SNPH: variants seen among roughly 807,000 people sequenced by gnomAD.
The protein encoded by SNPH is syntaphilin.
A neutral mutation model predicts 36.8 loss-of-function variants in SNPH; 10 were observed. That is an observed-to-expected ratio of 0.27 (90% CI 0.17 to 0.46). The LOEUF is 0.46. Ranked by LOEUF, SNPH falls within the 20% of genes least tolerant of loss-of-function variation. The pLI is 1.00. For missense variants in SNPH, 622 were observed against 744.0 expected (o/e 0.84, Z 1.91); for synonymous variants, 281 against 312.2 (o/e 0.90, Z 1.05).
chr20:1,267,451 C>G (rs531931741), intron 2 of SNPH, among the ~76,000 whole-genome samples: 2 of 152,108 alleles, frequency 1.3e-5, no homozygotes, highest in African/African-American at 4.8e-5. Context: ...CTGGTGGTGT[C>G]GGGATGGGCT....
At chr20:1,270,032 C>G (rs1207790609) in intron 2 of SNPH, among the ~76,000 whole-genome samples, 2 of 152,206 alleles carry the variant, frequency 1.3e-5, no homozygotes, top group African/African-American at 2.4e-5. Flanking sequence ...TGAGCCCTCT[C>G]AATAACTGAA....
chr20:1,300,822 C>T, intron 6 of SNPH, 111 bp downstream of exon 6: 2 of 1,078,582 alleles, frequency 1.9e-6, no homozygotes, highest in East Asian at 2.6e-5. Context: ...GGTCTCCCAG[C>T]ATCCGTCTGC....
chr20:1,308,162 CA>C lies in SNPH; in HGVS notation c.*2109del. The C allele has an allele frequency of 6.5e-6, 1 of 152,986 alleles. No homozygotes were observed. Among genetic ancestry groups the C allele is most frequent in the East Asian group, 1.9e-4 (1 of 5,200 alleles). 9.5% of individuals were successfully genotyped at this position (152,986 alleles called of 1,614,324 possible). On this transcript the variant is annotated 3_prime_UTR_variant, in exon 7 of 7. Coordinates refer to ENST00000381867, the MANE Select transcript of SNPH (RefSeq NM_001318234.2). ...GTGTCTTGTGTTTTGGTGGATGTGA[CA>C]GGGCTGGGGCCACAGTCTACTCTGT...
At chr20:1,278,138 G>A (rs542638715) in intron 2 of SNPH, among the ~76,000 whole-genome samples, 9 of 151,022 alleles carry the variant, frequency 6.0e-5, no homozygotes, top group Admixed American at 5.9e-4. Flanking sequence ...GTGTCTCTGT[G>A]TGTGCCTATG....
In SNPH at chr20:1,305,981, C is replaced by G; in HGVS notation, c.1544C>G (p.Ser515Cys). 1.3e-6 allele frequency: 2 copies of G among 1,547,198 alleles called. No individual in the cohort carries two copies. The highest frequency in any genetic ancestry group is 1.7e-6 in the Non-Finnish European group (2 of 1,146,238). Residue 515 changes from serine to cysteine, a missense_variant, in exon 7 of 7, where the codon TCC (serine) becomes TGC (cysteine). Coordinates refer to ENST00000381867, the MANE Select transcript of SNPH (RefSeq NM_001318234.2). ...GGCTGCTGCACTGTGGCCTTGCACT[C>G]CATCCGCAGGATCAGCTGCCGCTCG... Reference protein sequence around the residue: ...LRGCCTVALHSIRRISCRSLS... With the variant: ...LRGCCTVALHCIRRISCRSLS...
At chr20:1,292,099 A>G (rs2088369129) in intron 2 of SNPH, among the ~76,000 whole-genome samples, 1 of 152,200 alleles carries the variant, frequency 6.6e-6, no homozygotes, top group African/African-American at 2.4e-5. Flanking sequence ...TATTACCAAC[A>G]GTTGTGTGTT....
intron 6 of SNPH, among the ~76,000 whole-genome samples, chr20:1,303,801 T>G (rs1010937491): frequency 2.0e-5 from 3 of 152,046 alleles, no homozygotes; most frequent in African/African-American, 7.3e-5. Flanking sequence ...AACCCCAGAG[T>G]GACAGGCACG....
intron 2 of SNPH, among the ~76,000 whole-genome samples, chr20:1,268,411 A>G (rs1404239387): frequency 5.9e-5 from 9 of 152,182 alleles, no homozygotes. Flanking sequence ...GAGGCCAGGC[A>G]GTCAAGTTTT....
Position 1,299,501 on chromosome 20 carries a change from TCTC to T in SNPH, c.291-1058_291-1056del, listed in dbSNP as rs537525800. On this transcript the variant is annotated intron_variant, in intron 5 of 6. Coordinates refer to ENST00000381867, the MANE Select transcript of SNPH (RefSeq NM_001318234.2). ...ATAGTCTGTTGTGGAATTGGGGCAT[TCTC>T]CTTCCCCGTGAAAGCCTGGCCCTCC... is the stretch of plus-strand genomic sequence containing the variant. Among the ~76,000 whole-genome samples the T allele has an allele frequency of 1.7e-3, 255 of 152,316 alleles. 1 individual carries two copies. Among genetic ancestry groups the T allele is most frequent in the Middle Eastern group, 3.4e-3 (1 of 294 alleles).
chr20:1,296,857 AG>A (rs1214901881), intron 4 of SNPH, among the ~76,000 whole-genome samples: 1 of 152,140 alleles, frequency 6.6e-6, no homozygotes. Flanking sequence ...CCAGAAGTTG[AG>A]GACCTTGATA....
At chr20:1,283,090 G>A (rs2088244970) in intron 2 of SNPH, among the ~76,000 whole-genome samples, 1 of 152,186 alleles carries the variant, frequency 6.6e-6, no homozygotes, top group African/African-American at 2.4e-5. Context: ...TTAGCTGCAT[G>A]CAGCCAGAGA....
intron 2 of SNPH, among the ~76,000 whole-genome samples, chr20:1,280,305 C>T (rs2088202003): frequency 1.3e-5 from 2 of 152,236 alleles, no homozygotes; most frequent in African/African-American, 4.8e-5. Context: ...CAGCCTGTAT[C>T]TTACTGGTGC....
chr20:1,289,512 TACACACACACAC>T lies in SNPH; in HGVS notation c.-492-5405_-492-5394del, dbSNP rs56289024. On this transcript the variant is annotated intron_variant, in intron 2 of 6. Coordinates refer to ENST00000381867, the MANE Select transcript of SNPH (RefSeq NM_001318234.2). ...TTATTAATGCAACGGTTCATTTAAA[TACACACACACAC>T]ACACACACACACACACACACACACA... 6.2e-3 allele frequency among the ~76,000 whole-genome samples: 859 copies of T among 137,744 alleles called. 6 individuals are homozygous for T. Among genetic ancestry groups the T allele is most frequent in the Non-Finnish European group, 8.2e-3 (529 of 64,490 alleles). The allele number at this position is 137,744 out of a possible 152,430, so 90.4% of individuals were successfully genotyped here.
Position 1,266,595 on chromosome 20 carries a change from T to C in SNPH, c.-599-59T>C, listed in dbSNP as rs2088006937. On this transcript the variant is annotated intron_variant, in intron 1 of 6. Coordinates refer to ENST00000381867, the MANE Select transcript of SNPH (RefSeq NM_001318234.2). This position sits in a 1 kb window ranked among gnomAD's most constrained non-coding sequence, Gnocchi z 6.0. ...GTCAGCGGCCGGGGGCTCAGCTGCC[T>C]GGGTGTTCCCCGCCCGCGCTCACCC... 4.2e-6 allele frequency: 6 copies of C among 1,415,656 alleles called. No homozygotes were observed. In the East Asian group the frequency reaches 1.2e-4, roughly 29 times the overall value. 87.7% of individuals were successfully genotyped at this position (1,415,656 alleles called of 1,614,324 possible).
At position 1,304,869 on chromosome 20, in the gene SNPH, G is replaced by A. The variant is rs1026244147; in HGVS notation, c.441-9G>A. The A allele has an allele frequency of 3.1e-6, 5 of 1,610,362 alleles. No homozygotes were observed. In the Admixed American group the frequency reaches 6.7e-5, roughly 22 times the overall value. ...GCAGTGAGCGTGTGTGTGTCTCCTC[G>A]GCTCGCAGGGACACAGAGATTGATG... is the stretch of plus-strand genomic sequence containing the variant. On this transcript the variant is annotated splice_polypyrimidine_tract_variant and intron_variant, in intron 6 of 6. Transcript: ENST00000381867. The surrounding 1 kb of genome is among the most constrained non-coding windows in gnomAD (Gnocchi z 4.3).
chr20:1,295,698 A>G (rs1377679336), intron 3 of SNPH, 78 bp from the exon 4 acceptor site: 1 of 152,842 alleles, frequency 6.5e-6, no homozygotes, highest in African/African-American at 2.4e-5. Context: ...GGGACATGGT[A>G]CCTTCTCGTG....
intron 4 of SNPH, 128 bp downstream of exon 4, chr20:1,296,549 T>G (rs997100711): frequency 1.2e-6 from 1 of 803,124 alleles, no homozygotes; most frequent in African/African-American, 1.8e-5. Context: ...ATCTTTAAAA[T>G]GAGCTTGCTA....
intron 2 of SNPH, among the ~76,000 whole-genome samples, chr20:1,274,273 GC>G (rs2088106154): frequency 6.6e-6 from 1 of 151,888 alleles, no homozygotes; most frequent in Non-Finnish European, 1.5e-5. Flanking sequence ...GCTTCTGCAT[GC>G]CCTGAGAGAT....
chr20:1,296,122 T>G lies in SNPH; in HGVS notation c.-118T>G. On this transcript the variant is annotated 5_prime_UTR_variant, in exon 4 of 7. Coordinates refer to ENST00000381867, the MANE Select transcript of SNPH (RefSeq NM_001318234.2). ...TTTAGCCACTCCTGACAGTTGTGGT[T>G]TTAAGTTGGGTGGTGGGAACCTGTG... 3 of 849,104 alleles carry G rather than the reference T, an allele frequency of 3.5e-6. No individual in the cohort carries two copies. Among genetic ancestry groups the G allele is most frequent in the Non-Finnish European group, 5.2e-6 (3 of 577,080 alleles). 52.6% of individuals were successfully genotyped at this position (849,104 alleles called of 1,614,324 possible). A position where few individuals can be genotyped will look rare whatever the true frequency, so the allele number is the denominator to read the frequency against.
Sources: allele counts gnomAD v4.1 joint callset (sites outside exome capture counted in the v4.1 genomes callset), GRCh38; gene constraint gnomAD v4.1.1; non-coding constraint Gnocchi (gnomAD v3.1); transcripts MANE v1.5; gene names NCBI Gene and HGNC (gene_info 2026-07-23, HGNC 2026-07-21).